GABBR2: variants seen among roughly 807,000 people sequenced by gnomAD.
GABBR2 encodes G-protein coupled receptor 51.
In GABBR2, 23 loss-of-function variants were observed where a neutral mutation model predicts 105.6. The ratio of observed to expected loss-of-function variants is 0.22; its 90% CI spans 0.16 to 0.31. GABBR2 has a LOEUF of 0.31. Among genes scored for constraint, GABBR2 ranks in the 10% least tolerant of loss-of-function variants. The pLI is 1.00. For missense variants in GABBR2, 734 were observed against 1,245.5 expected, an observed-to-expected ratio of 0.59 and a Z score of 6.18; for synonymous variants, 478 against 499.7, an observed-to-expected ratio of 0.96 and a Z score of 0.58.
chr9:98,367,310 A>AAT lies in GABBR2; in HGVS notation c.1770+4153_1770+4154insAT, dbSNP rs1554695825. ...GTATATATGTCAGTAAAAAAAAAAA[A>AAT]AAAAATAAGGGGGCCACTAAAAAAA... On this transcript the variant is annotated intron_variant, in intron 12 of 18. Coordinates refer to ENST00000259455, the MANE Select transcript of GABBR2 (RefSeq NM_005458.8). 1.7e-4 allele frequency among the ~76,000 whole-genome samples: 26 copies of AAT among 151,312 alleles called. No homozygotes were observed. In the East Asian group the frequency reaches 2.9e-3, roughly 17 times the overall value.
At chr9:98,561,076 C>T (rs79753325) in intron 2 of GABBR2, among the ~76,000 whole-genome samples, 2,620 of 152,050 alleles carry the variant, frequency 0.017, 74 homozygotes, top group African/African-American at 0.059. Context: ...TCAATATTCA[C>T]GCCTTGCTTT....
At chr9:98,410,453 G>A (rs1401076755) in intron 7 of GABBR2, among the ~76,000 whole-genome samples, 1 of 151,880 alleles carries the variant, frequency 6.6e-6, no homozygotes, top group Admixed American at 6.5e-5. Context: ...TCCATTTAGG[G>A]AAGCGGTCAT....
At chr9:98,423,557 C>T (rs543483156) in intron 7 of GABBR2, among the ~76,000 whole-genome samples, 276 of 152,248 alleles carry the variant, frequency 1.8e-3, no homozygotes, top group Middle Eastern at 0.014. Flanking sequence ...CTGTAGGTTG[C>T]CTGTTCACTC....
intron 1 of GABBR2, among the ~76,000 whole-genome samples, chr9:98,625,238 C>A (rs1470515334): frequency 1.3e-5 from 2 of 152,228 alleles, no homozygotes; most frequent in Non-Finnish European, 2.9e-5. Context: ...GCTGCTCCAC[C>A]CCTGCCCTAC....
chr9:98,466,984 C>T (rs1280866091), intron 6 of GABBR2, among the ~76,000 whole-genome samples: 1 of 152,102 alleles, frequency 6.6e-6, no homozygotes, highest in Non-Finnish European at 1.5e-5. Context: ...AGAAATCCAG[C>T]CATCACATCC....
At chr9:98,446,921 G>A (rs1037587045) in intron 7 of GABBR2, among the ~76,000 whole-genome samples, 5 of 152,088 alleles carry the variant, frequency 3.3e-5, no homozygotes, top group Non-Finnish European at 1.5e-5. Flanking sequence ...ATAATCTGGG[G>A]GATAGAGTCA....
At chr9:98,500,464 T>G (rs1329361684) in intron 3 of GABBR2, among the ~76,000 whole-genome samples, 1 of 151,654 alleles carries the variant, frequency 6.6e-6, no homozygotes, top group Non-Finnish European at 1.5e-5. Context: ...GAGTGAGGAG[T>G]GCTGTGAGCA....
At chr9:98,612,177 G>C (rs1473415956) in intron 1 of GABBR2, among the ~76,000 whole-genome samples, 1 of 152,244 alleles carries the variant, frequency 6.6e-6, no homozygotes, top group Non-Finnish European at 1.5e-5. Context: ...GCCCAGCATG[G>C]CCTGCACAGC....
At chr9:98,512,106 T>C (rs11506940) in intron 3 of GABBR2, among the ~76,000 whole-genome samples, 50,637 of 149,386 alleles carry the variant, frequency 0.34, 8,773 homozygotes, top group Middle Eastern at 0.5. Context: ...GTTCAACATA[T>C]GAAAATCAAT....
intron 1 of GABBR2, among the ~76,000 whole-genome samples, chr9:98,643,278 C>T (rs1015890540): frequency 5.3e-5 from 8 of 152,170 alleles, no homozygotes; most frequent in African/African-American, 1.7e-4. Flanking sequence ...AGAGAGTGCC[C>T]AAGAGCGATG....
At position 98,708,715 on chromosome 9, in the gene GABBR2, C is replaced by T. The variant is rs950352036; in HGVS notation, c.23G>A (p.Gly8Glu). The stretch of plus-strand genomic sequence containing the variant: ...CGGCGGCGGCGGCGGCCCGGGCTGC[C>T]CGGAGCTCCGCGGGGAAGCCATGCC... Reference protein sequence around the residue: MASPRSSGQPGPPPPPPP... With the variant: MASPRSSEQPGPPPPPPP... Residue 8 changes from glycine (G) to glutamate (E), a missense_variant, in exon 1 of 19, where the codon GGG becomes GAG. Physicochemically the swap from Gly to Glu is moderately conservative, Grantham distance 98 (BLOSUM62 -2). Transcript: ENST00000259455. 3.3e-5 allele frequency: 33 copies of T among 993,294 alleles called. No homozygotes were observed. Among genetic ancestry groups the T allele is most frequent in the Non-Finnish European group, 3.8e-5 (32 of 838,036 alleles). 61.5% of individuals were successfully genotyped at this position (993,294 alleles called of 1,614,324 possible).
At chr9:98,487,999 G>T (rs1192561663) in intron 4 of GABBR2, among the ~76,000 whole-genome samples, 1 of 152,152 alleles carries the variant, frequency 6.6e-6, no homozygotes, top group Admixed American at 6.5e-5. Context: ...CATGGCCGAG[G>T]CAGAGACAGT....
intron 1 of GABBR2, among the ~76,000 whole-genome samples, chr9:98,661,653 G>A (rs924779946): frequency 3.3e-5 from 5 of 152,050 alleles, no homozygotes; most frequent in Non-Finnish European, 7.4e-5. Context: ...CACCTGCCTC[G>A]GCCTCCCAAA....
intron 6 of GABBR2, among the ~76,000 whole-genome samples, chr9:98,471,248 C>A (rs1017693388): frequency 1.3e-5 from 2 of 152,160 alleles, no homozygotes; most frequent in African/African-American, 2.4e-5. Flanking sequence ...GGGATTGGGT[C>A]TCCTGGACTT....
intron 17 of GABBR2, among the ~76,000 whole-genome samples, chr9:98,294,429 C>T (rs745717878): frequency 2.6e-5 from 4 of 151,890 alleles, no homozygotes; most frequent in Non-Finnish European, 5.9e-5. Flanking sequence ...TTCCACTTCT[C>T]GAAATTATCC....
At chr9:98,387,883 A>T (rs1472116265) in intron 10 of GABBR2, among the ~76,000 whole-genome samples, 1 of 152,218 alleles carries the variant, frequency 6.6e-6, no homozygotes, top group Non-Finnish European at 1.5e-5. Context: ...GAGAAATTTA[A>T]AAATCTCAAA....
chr9:98,537,434 G>A (rs1190614600), intron 3 of GABBR2, among the ~76,000 whole-genome samples: 1 of 152,060 alleles, frequency 6.6e-6, no homozygotes, highest in Non-Finnish European at 1.5e-5. Flanking sequence ...CTGGATTGTG[G>A]CGATGGTTGC....
chr9:98,467,573 C>A (rs1015866250), intron 6 of GABBR2, among the ~76,000 whole-genome samples: 1 of 152,200 alleles, frequency 6.6e-6, no homozygotes. Context: ...CCCTAAAACT[C>A]CAAGTTCTTT....
chr9:98,394,260 G>T lies in GABBR2; in HGVS notation c.1298-5C>A. 1 of 1,608,348 alleles carries T rather than the reference G, an allele frequency of 6.2e-7. No individual in the cohort carries two copies. Among genetic ancestry groups the T allele is most frequent in the Non-Finnish European group, 8.5e-7 (1 of 1,174,812 alleles). The stretch of plus-strand genomic sequence containing the variant: ...CCACCTTCACCTCCCTGCTGTCTGT[G>T]GGGAGCAAAAGACAGTGGCCAGTTA... On this transcript the variant is annotated splice_polypyrimidine_tract_variant and splice_region_variant and intron_variant, in intron 8 of 18. Transcript: ENST00000259455.
Sources: gnomAD v4.1 joint callset for allele counts (sites outside exome capture counted in the v4.1 genomes callset) on GRCh38, gnomAD v4.1.1 for gene constraint, MANE v1.5 for transcripts, NCBI Gene and HGNC (gene_info 2026-07-23, HGNC 2026-07-21) for gene names.